ODAM: variants seen among roughly 807,000 people sequenced by gnomAD.
The protein encoded by ODAM is odontogenic, ameloblast associated.
In ODAM, 55 loss-of-function variants were observed where a neutral mutation model predicts 48.5. The observed-to-expected ratio is 1.13, with a 90% CI of 0.91 to 1.42. ODAM has a LOEUF of 1.42. Ranked by LOEUF, ODAM falls within the 40% of genes most tolerant of loss-of-function variation. ODAM has a pLI of 0.00. For synonymous variants in ODAM, 127 were observed against 107.8 expected (o/e 1.18, Z -1.10); for missense variants, 353 against 323.6 (o/e 1.09, Z -0.70).
Position 70,197,312 on chromosome 4 carries a change from A to G in ODAM, c.132A>G (p.Leu44=), listed in dbSNP as rs1729391106. The G allele has an allele frequency of 1.4e-6, 2 of 1,438,358 alleles. No homozygotes were observed. The highest frequency in any genetic ancestry group is 9.8e-7 in the Non-Finnish European group (1 of 1,021,698). The allele number at this position is 1,438,358 out of a possible 1,614,324, so 89.1% of individuals were successfully genotyped here. Residue 44 remains leucine (L), a synonymous_variant, in exon 4 of 12, where the codon CTA becomes CTG. Transcript: ENST00000683306. ...TTAATAATGGTCAACTTTTGCCACTACAACTTCAGGTACCTCCATTTCAAT... is the reference window on the plus strand; with the variant it reads ...TTAATAATGGTCAACTTTTGCCACTGCAACTTCAGGTACCTCCATTTCAAT... ...LNLNNGQLLP[L]QLQGPLNSWI...
chr4:70,196,818 C>G (rs969580243), intron 3 of ODAM, 85 bp downstream of exon 3: 38 of 1,063,480 alleles, frequency 3.6e-5, no homozygotes, highest in Non-Finnish European at 5.2e-5. Context: ...TTAATTTATA[C>G]TGTGTTCCTC....
In ODAM at chr4:70,196,746, A is replaced by T. The variant is rs762559764; in HGVS notation, c.93+13A>T. On this transcript the variant is annotated intron_variant, in intron 3 of 11. Transcript: ENST00000683306. The stretch of plus-strand genomic sequence containing the variant: ...CAATAGCAATGAGGTTAGTTTAAAT[A>T]ATTAAAACAATCTCCTCCTTTTTTT... 3 of 1,589,388 alleles carry T rather than the reference A, an allele frequency of 1.9e-6. No homozygotes were observed. Among genetic ancestry groups the T allele is most frequent in the Non-Finnish European group, 2.6e-6 (3 of 1,164,042 alleles).
chr4:70,202,723 C>G lies in ODAM; in HGVS notation c.649-33C>G, dbSNP rs201475350. 2.1e-4 allele frequency: 327 copies of G among 1,569,350 alleles called. 1 individual carries two copies. In the African/African-American group the frequency reaches 3.2e-3, roughly 15 times the overall value. On this transcript the variant is annotated intron_variant, in intron 9 of 11. Transcript: ENST00000683306. ...AATTTTGGCCTTCTTGTTGAACTTA[C>G]GACAACTTTGTTTTCATTCTCATTC... is the stretch of plus-strand genomic sequence containing the variant.
In ODAM at chr4:70,198,152, A is replaced by C. The variant is rs1231197748; in HGVS notation, c.370A>C (p.Ser124Arg). 6.2e-7 allele frequency: 1 copy of C among 1,612,202 alleles called. No individual in the cohort carries two copies. The highest frequency in any genetic ancestry group is 1.7e-5 in the Admixed American group (1 of 59,724). The change falls in exon 5 of 12, where the codon AGT becomes CGT. Residue 124 changes from serine to arginine, a missense_variant. Physicochemically the swap from Ser to Arg is moderately radical, Grantham distance 110 (BLOSUM62 -1). Coordinates refer to ENST00000683306, the MANE Select transcript of ODAM (RefSeq NM_017855.4). ...ACCGCCTCAGACACAACCAGGCCCCAGTCACGTAAGTCAGGCCTCTTTCAT... is the reference window on the plus strand; with the variant it reads ...ACCGCCTCAGACACAACCAGGCCCCCGTCACGTAAGTCAGGCCTCTTTCAT... ...QTPPQTQPGP[S>R]HVMPYVFSFK...
chr4:70,204,034 T>C (rs1729564028), intron 11 of ODAM, 141 bp from the exon 12 acceptor site: 1 of 152,034 alleles, frequency 6.6e-6, no homozygotes, highest in Non-Finnish European at 1.5e-5. Flanking sequence ...TTCAGTATTT[T>C]TATGACCTTT....
At chr4:70,197,200 A>G in intron 3 of ODAM, 74 bp from the exon 4 acceptor site, 2 of 759,150 alleles carry the variant, frequency 2.6e-6, no homozygotes, top group Non-Finnish European at 4.7e-6. Flanking sequence ...CTTGTGCTAT[A>G]TTTGCAGTAA....
At chr4:70,202,179 C>T in intron 8 of ODAM, 79 bp from the exon 9 acceptor site, 1 of 965,672 alleles carries the variant, frequency 1.0e-6, no homozygotes. Flanking sequence ...TGTTTTACTA[C>T]TCTGGTACTC....
intron 8 of ODAM, 120 bp downstream of exon 8, chr4:70,201,621 T>C: frequency 3.1e-6 from 2 of 655,520 alleles, no homozygotes; most frequent in South Asian, 1.7e-5. Context: ...TTGAACAAAA[T>C]TGTATGTATC....
In ODAM at chr4:70,196,753, A is replaced by G; in HGVS notation, c.93+20A>G. 6.3e-7 allele frequency: 1 copy of G among 1,579,710 alleles called. No homozygotes were observed. Among genetic ancestry groups the G allele is most frequent in the Non-Finnish European group, 8.7e-7 (1 of 1,155,912 alleles). ...AATGAGGTTAGTTTAAATAATTAAA[A>G]CAATCTCCTCCTTTTTTTAATGGAA... is the stretch of plus-strand genomic sequence containing the variant. On this transcript the variant is annotated intron_variant, in intron 3 of 11. Transcript: ENST00000683306.
At position 70,204,521 on chromosome 4, in the gene ODAM, T is replaced by C. The variant is rs1037798094; in HGVS notation, c.*376T>C. 1 of 151,994 alleles carries C rather than the reference T, an allele frequency of 6.6e-6. No individual in the cohort carries two copies. Among genetic ancestry groups the C allele is most frequent in the Non-Finnish European group, 1.5e-5 (1 of 67,982 alleles). 9.4% of individuals were successfully genotyped at this position (151,994 alleles called of 1,614,324 possible). A position where few individuals can be genotyped will look rare whatever the true frequency, so the allele number is the denominator to read the frequency against. ...TGAAGATATGTATATTGTCATTGGA[T>C]GTATGATGAGTGTTGTGATTGGAAC... On this transcript the variant is annotated 3_prime_UTR_variant, in exon 12 of 12. Coordinates refer to ENST00000683306, the MANE Select transcript of ODAM (RefSeq NM_017855.4).
chr4:70,197,236 G>A (rs1729388437), intron 3 of ODAM, 38 bp from the exon 4 acceptor site: 1 of 918,812 alleles, frequency 1.1e-6, no homozygotes, highest in East Asian at 2.4e-5. Flanking sequence ...ATTTTAGTGT[G>A]TAGTAATCTT....
rs368738123 is a variant in ODAM at position 70,196,583 on chromosome 4, T to C, written c.40T>C (p.Leu14=). 25 of 1,598,272 alleles carry C rather than the reference T, an allele frequency of 1.6e-5. No homozygotes were observed. The highest frequency in any genetic ancestry group is 1.1e-4 in the African/African-American group (8 of 74,616). The change falls in exon 2 of 12, where the codon TTG becomes CTG. Residue 14 remains leucine (L), a synonymous_variant. Coordinates refer to ENST00000683306, the MANE Select transcript of ODAM (RefSeq NM_017855.4). The stretch of plus-strand genomic sequence containing the variant: ...TCTTCTTGGATTCCTGGGAGCCACA[T>C]TGTCAGCCCCAGTAAGTGATTTTAT... ...IILLGFLGAT[L]SAPLIPQRLM...
At chr4:70,201,592 AC>A in intron 8 of ODAM, 91 bp downstream of exon 8, 1 of 752,002 alleles carries the variant, frequency 1.3e-6, no homozygotes, top group Non-Finnish European at 2.3e-6. Flanking sequence ...GCCAAAGATG[AC>A]CAGGAGCGCA....
chr4:70,200,492 A>G lies in ODAM; in HGVS notation c.424-5A>G. 1 of 1,524,842 alleles carries G rather than the reference A, an allele frequency of 6.6e-7. No individual in the cohort carries two copies. Among genetic ancestry groups the G allele is most frequent in the Non-Finnish European group, 9.1e-7 (1 of 1,103,646 alleles). The allele number at this position is 1,524,842 out of a possible 1,614,324, so 94.5% of individuals were successfully genotyped here. A position where few individuals can be genotyped will look rare whatever the true frequency, so the allele number is the denominator to read the frequency against. On this transcript the variant is annotated splice_polypyrimidine_tract_variant and splice_region_variant and intron_variant, in intron 6 of 11. Coordinates refer to ENST00000683306, the MANE Select transcript of ODAM (RefSeq NM_017855.4). ...TCTCTTGTATCCTTCTCTTTTTACA[A>G]GTAGATGTTTCAATACTATCCAGTT...
At chr4:70,201,927 C>T (rs1485486015) in intron 8 of ODAM, among the ~76,000 whole-genome samples, 1 of 151,866 alleles carries the variant, frequency 6.6e-6, no homozygotes, top group Non-Finnish European at 1.5e-5. Flanking sequence ...ATTTTCGTAA[C>T]TTGTATGGTG....
rs3836689 is a variant in ODAM, at chr4:70,199,490, AG to A, written c.423+865del. 2.0e-5 allele frequency among the ~76,000 whole-genome samples: 3 copies of A among 152,156 alleles called. No individual in the cohort carries two copies. The East Asian group carries it at 5.8e-4, about 30-fold the overall frequency. On this transcript the variant is annotated intron_variant, in intron 6 of 11. Transcript: ENST00000683306. The stretch of plus-strand genomic sequence containing the variant: ...CTTCATCTTAAGAATCAAGAAACCT[AG>A]TCTTAATGAGATCAAATTCCTCATC...
chr4:70,200,271 TA>T (rs1729467512), intron 6 of ODAM: 1 of 435,534 alleles, frequency 2.3e-6, no homozygotes, highest in South Asian at 2.7e-5. Context: ...CACTATTTCC[TA>T]AATGTGTTTG....
intron 6 of ODAM, among the ~76,000 whole-genome samples, chr4:70,199,009 G>C (rs1729440230): frequency 6.6e-6 from 1 of 151,980 alleles, no homozygotes. Context: ...GATGCACTAA[G>C]CTGATAATAT....
In ODAM at chr4:70,197,295, G is replaced by C. The variant is rs556504909; in HGVS notation, c.115G>C (p.Gly39Arg). Residue 39 changes from glycine (G) to arginine (R), a missense_variant, in exon 4 of 12, where the codon GGT (glycine) becomes CGT (arginine). Gly to Arg is a moderately radical substitution (Grantham distance 125, BLOSUM62 -2). Coordinates refer to ENST00000683306, the MANE Select transcript of ODAM (RefSeq NM_017855.4). ...SNELLLNLNN[G>R]QLLPLQLQGP... Reference sequence around the variant, plus strand: ...CTAGTTACTTCTTAATCTTAATAATGGTCAACTTTTGCCACTACAACTTCA... The same window carrying C: ...CTAGTTACTTCTTAATCTTAATAATCGTCAACTTTTGCCACTACAACTTCA... 6.9e-7 allele frequency: 1 copy of C among 1,443,912 alleles called. No individual in the cohort carries two copies. Among genetic ancestry groups the C allele is most frequent in the African/African-American group, 1.4e-5 (1 of 71,116 alleles). 89.4% of individuals were successfully genotyped at this position (1,443,912 alleles called of 1,614,324 possible). A position where few individuals can be genotyped will look rare whatever the true frequency, so the allele number is the denominator to read the frequency against.
Sources: allele counts gnomAD v4.1 joint callset (sites outside exome capture counted in the v4.1 genomes callset), GRCh38; gene constraint gnomAD v4.1.1; transcripts MANE v1.5; gene names NCBI Gene and HGNC (gene_info 2026-07-23, HGNC 2026-07-21).